Variants in KCNIP1 observed in about 807,000 individuals in gnomAD.
KCNIP1 encodes the protein A-type potassium channel modulatory protein KCNIP1.
A neutral mutation model predicts 33.0 loss-of-function variants in KCNIP1; 18 were observed. The ratio of observed to expected loss-of-function variants is 0.55; its 90% confidence interval spans 0.38 to 0.81. KCNIP1 has a LOEUF of 0.81. Among genes scored for constraint, KCNIP1 ranks in the 30% least tolerant of loss-of-function variants. KCNIP1 has a pLI of 0.00. For synonymous variants in KCNIP1, 93 were observed against 98.3 expected (o/e 0.95, Z 0.32); for missense variants, 238 against 271.6 (o/e 0.88, Z 0.87).
chr5:170,590,536 G>A (rs1356069726), intron 1 of KCNIP1, among the ~76,000 whole-genome samples: 1 of 152,130 alleles, frequency 6.6e-6, no homozygotes, highest in Non-Finnish European at 1.5e-5. Flanking sequence ...CAGTGTTGGG[G>A]CAGGCACTAG....
chr5:170,371,308 C>T (rs1010329661), intron 1 of KCNIP1, among the ~76,000 whole-genome samples: 5 of 152,156 alleles, frequency 3.3e-5, no homozygotes, highest in African/African-American at 9.7e-5. Flanking sequence ...GATCCTTCTG[C>T]TTGGCCATCA....
At chr5:170,523,769 G>A (rs1342274093) in intron 1 of KCNIP1, among the ~76,000 whole-genome samples, 3 of 152,032 alleles carry the variant, frequency 2.0e-5, no homozygotes, top group Non-Finnish European at 2.9e-5. Context: ...TCTCCCTCAC[G>A]TGTCTCCTCC....
chr5:170,368,453 C>G (rs1243179885), intron 1 of KCNIP1, among the ~76,000 whole-genome samples: 1 of 151,996 alleles, frequency 6.6e-6, no homozygotes, highest in Admixed American at 6.6e-5. Context: ...TTAGTAGAGA[C>G]AGGGTTTCAC....
intron 1 of KCNIP1, among the ~76,000 whole-genome samples, chr5:170,625,937 A>AGT (rs1759804546): frequency 2.6e-5 from 4 of 152,212 alleles, no homozygotes; most frequent in African/African-American, 9.6e-5. Context: ...TGGGCATTGC[A>AGT]GGCAAGGCAG....
intron 1 of KCNIP1, among the ~76,000 whole-genome samples, chr5:170,677,829 A>G (rs59808546): frequency 0.15 from 22,236 of 146,510 alleles, 2,255 homozygotes; most frequent in African/African-American, 0.33. Context: ...ACCTAAGGGG[A>G]AAAAAAAATG....
At chr5:170,506,225 G>C (rs1473271802) in intron 1 of KCNIP1, among the ~76,000 whole-genome samples, 1 of 152,040 alleles carries the variant, frequency 6.6e-6, no homozygotes, top group African/African-American at 2.4e-5. Flanking sequence ...GTGGAGTCTG[G>C]GTGTGAATCC....
chr5:170,731,034 C>T (rs1419394294), intron 5 of KCNIP1, among the ~76,000 whole-genome samples: 1 of 152,062 alleles, frequency 6.6e-6, no homozygotes, highest in Non-Finnish European at 1.5e-5. Flanking sequence ...CTCTTCCTTA[C>T]AGAAGAATTG....
intron 1 of KCNIP1, among the ~76,000 whole-genome samples, chr5:170,677,576 CA>C (rs1314396548): frequency 6.6e-6 from 1 of 152,096 alleles, no homozygotes; most frequent in Admixed American, 6.5e-5. Context: ...TGATTGTGAC[CA>C]TCTTGGTTTC....
chr5:170,631,007 T>C (rs1760032901), intron 1 of KCNIP1, among the ~76,000 whole-genome samples: 2 of 152,064 alleles, frequency 1.3e-5, no homozygotes, highest in African/African-American at 4.8e-5. Context: ...GGAATAAGGG[T>C]ACGAGGCTTG....
At chr5:170,424,078 C>T (rs531279246) in intron 1 of KCNIP1, among the ~76,000 whole-genome samples, 5 of 152,188 alleles carry the variant, frequency 3.3e-5, no homozygotes, top group East Asian at 1.9e-4. Context: ...AATCATTCAT[C>T]GCCATCACTG....
At chr5:170,441,070 G>T (rs574580363) in intron 1 of KCNIP1, among the ~76,000 whole-genome samples, 1 of 152,290 alleles carries the variant, frequency 6.6e-6, no homozygotes, top group African/African-American at 2.4e-5. Flanking sequence ...ATGAATTTTA[G>T]TCTCTGCATG....
chr5:170,667,975 T>C (rs960398269), intron 1 of KCNIP1, among the ~76,000 whole-genome samples: 1 of 152,202 alleles, frequency 6.6e-6, no homozygotes, highest in African/African-American at 2.4e-5. Context: ...TTGGCTCCAA[T>C]GGGCTCATAC....
At chr5:170,713,001 T>C in intron 1 of KCNIP1, 1 of 852,308 alleles carries the variant, frequency 1.2e-6, no homozygotes, top group South Asian at 1.4e-5. Context: ...TTCTGTGTCC[T>C]TTGTTAACAA....
At chr5:170,491,752 A>C (rs1757210953) in intron 1 of KCNIP1, among the ~76,000 whole-genome samples, 1 of 152,228 alleles carries the variant, frequency 6.6e-6, no homozygotes, top group African/African-American at 2.4e-5. Flanking sequence ...TGGCAGTTAC[A>C]GCAAACTCAG....
At position 170,504,929 on chromosome 5, in the gene KCNIP1, G is replaced by T. The variant is rs551391593; in HGVS notation, c.61+296G>T. Among the ~76,000 whole-genome samples the T allele has an allele frequency of 6.6e-6, 1 of 152,200 alleles. No individual in the cohort carries two copies. The highest frequency in any genetic ancestry group is 2.4e-5 in the African/African-American group (1 of 41,462). On this transcript the variant is annotated intron_variant, in intron 1 of 7. Coordinates refer to ENST00000328939, the MANE Select transcript of KCNIP1 (RefSeq NM_014592.4). This position sits in a 1 kb window ranked among gnomAD's most constrained non-coding sequence, Gnocchi z 6.0. ...CGAAGGAAGCGGCATGTTCACAGGT[G>T]GGGGTGACCGGATTCTCTGGTGGAA...
chr5:170,544,848 C>T (rs1420617868), intron 1 of KCNIP1, among the ~76,000 whole-genome samples: 1 of 152,140 alleles, frequency 6.6e-6, no homozygotes, highest in Non-Finnish European at 1.5e-5. Flanking sequence ...CCACTTCTTT[C>T]TTTTTGTGCT....
At chr5:170,457,338 T>C (rs1756406980) in intron 1 of KCNIP1, among the ~76,000 whole-genome samples, 1 of 152,054 alleles carries the variant, frequency 6.6e-6, no homozygotes, top group South Asian at 2.1e-4. Context: ...CCACCACATG[T>C]CAGGAAGAGT....
chr5:170,503,840 G>A (rs1016135303), upstream of KCNIP1, among the ~76,000 whole-genome samples: 3 of 152,080 alleles, frequency 2.0e-5, no homozygotes, highest in African/African-American at 7.2e-5. Context: ...CTGGCCCCGG[G>A]TCTGTCTCTT....
rs956300034 is a variant in KCNIP1, at chr5:170,471,642, G to A, written c.88+117678G>A. On this transcript the variant is annotated intron_variant, in intron 1 of 7. Coordinates refer to the KCNIP1 transcript ENST00000377360. ...TGAGTGCCCTCAGCAGTAATTCCAA[G>A]CAAAGCAGGGAAGCAGCGGGCCAGG... 3.3e-5 allele frequency among the ~76,000 whole-genome samples: 5 copies of A among 152,214 alleles called. No homozygotes were observed. In the South Asian group the frequency reaches 6.2e-4, roughly 19 times the overall value.
Sources: gnomAD v4.1 joint callset for allele counts (sites outside exome capture counted in the v4.1 genomes callset) on GRCh38, gnomAD v4.1.1 for gene constraint, Gnocchi (gnomAD v3.1) non-coding constraint, MANE v1.5 for transcripts, NCBI Gene and HGNC (gene_info 2026-07-23, HGNC 2026-07-21) for gene names.